The following SP140 variants were observed in gnomAD, a reference collection of about 807,000 sequenced individuals.
SP140 encodes the protein nuclear body protein SP140.
SP140 carries 81 observed loss-of-function variants against 125.0 expected under a neutral mutation model. That is an observed-to-expected ratio of 0.65 (90% CI 0.54 to 0.78). SP140 has a LOEUF of 0.78. Among genes scored for constraint, SP140 ranks in the 30% least tolerant of loss-of-function variants. The pLI, the probability that SP140 is intolerant of heterozygous loss-of-function variation, is 0.00. For synonymous variants in SP140, 312 were observed against 354.0 expected (o/e 0.88, Z 1.33); for missense variants, 858 against 1,037.0 (o/e 0.83, Z 2.37).
At chr2:230,254,174 T>A (rs1048624253) in intron 11 of SP140, among the ~76,000 whole-genome samples, 1 of 152,136 alleles carries the variant, frequency 6.6e-6, no homozygotes, top group African/African-American at 2.4e-5. Flanking sequence ...GATTAAACTA[T>A]GCAGAGAAAG....
chr2:230,277,355 A>G (rs1163904115), intron 15 of SP140, among the ~76,000 whole-genome samples: 2 of 152,188 alleles, frequency 1.3e-5, no homozygotes, highest in African/African-American at 2.4e-5. Flanking sequence ...TGAGCATTAC[A>G]TTTAGCAATA....
chr2:230,228,811 A>G (rs981881604), intron 1 of SP140, among the ~76,000 whole-genome samples: 1 of 152,124 alleles, frequency 6.6e-6, no homozygotes, highest in African/African-American at 2.4e-5. Flanking sequence ...TATAGACAAC[A>G]TATAGTCGGG....
intron 1 of SP140, among the ~76,000 whole-genome samples, chr2:230,228,598 G>T (rs1466310449): frequency 1.3e-5 from 2 of 152,176 alleles, no homozygotes; most frequent in Admixed American, 6.5e-5. Context: ...ATTAAGGATT[G>T]TGTACCTTCT....
chr2:230,249,185 GCATGGGGAAT>G (rs2049972480), intron 9 of SP140, among the ~76,000 whole-genome samples: 2 of 152,174 alleles, frequency 1.3e-5, no homozygotes, highest in African/African-American at 4.8e-5. Flanking sequence ...CCATATTTCT[GCATGGGGAAT>G]GTAGGGAGAA....
At chr2:230,264,105 G>A (rs960118433) in intron 12 of SP140, among the ~76,000 whole-genome samples, 3 of 151,972 alleles carry the variant, frequency 2.0e-5, no homozygotes, top group South Asian at 2.1e-4. Flanking sequence ...CAGGAACACC[G>A]ATTATTCTTA....
In SP140 at chr2:230,269,973, G is replaced by A. The variant is rs532399353; in HGVS notation, c.1444+20G>A. ...CAATGGGTAAGGCTGTCTGAGGGCC[G>A]TGGGATGGGGGTGGCTCAGTGGGCC... On this transcript the variant is annotated intron_variant, in intron 14 of 26. Transcript: ENST00000392045. 1.7e-5 allele frequency: 26 copies of A among 1,556,744 alleles called. No homozygotes were observed. The highest frequency in any genetic ancestry group is 5.0e-5 in the Admixed American group (3 of 59,892).
chr2:230,284,520 A>G (rs2056099705), intron 16 of SP140, 109 bp downstream of exon 16: 3 of 834,012 alleles, frequency 3.6e-6, no homozygotes, highest in South Asian at 2.1e-5. Flanking sequence ...TACCTCCTGT[A>G]TCCATTAGGA....
chr2:230,271,905 G>A (rs757541851), intron 15 of SP140, among the ~76,000 whole-genome samples: 17 of 152,114 alleles, frequency 1.1e-4, no homozygotes, highest in Admixed American at 2.6e-4. Flanking sequence ...TTGAAGAGAC[G>A]TAGCATGTGA....
chr2:230,245,081 G>C lies in SP140; in HGVS notation c.664+1G>C. 1 of 1,602,498 alleles carries C rather than the reference G, an allele frequency of 6.2e-7. No homozygotes were observed. Among genetic ancestry groups the C allele is most frequent in the Non-Finnish European group, 8.5e-7 (1 of 1,169,972 alleles). ...CCCAGCCTACTACCAGGTGGGGGAG[G>C]TAATTATGATTTAAATGACCAATTA... On this transcript the variant is annotated splice_donor_variant, in intron 6 of 26. Transcript: ENST00000392045. LOFTEE classifies it high-confidence loss of function.
intron 15 of SP140, among the ~76,000 whole-genome samples, chr2:230,272,062 G>C (rs2054004359): frequency 1.3e-5 from 2 of 152,168 alleles, no homozygotes; most frequent in African/African-American, 4.8e-5. Context: ...AGAAATGACA[G>C]ATGACACAAA....
At chr2:230,204,403 G>A (rs772226766) in intron 1 of SP140, among the ~76,000 whole-genome samples, 5 of 152,292 alleles carry the variant, frequency 3.3e-5, no homozygotes, top group South Asian at 2.1e-4. Context: ...TGCAGAGTAC[G>A]TATGTCTGCC....
intron 16 of SP140, 52 bp from the exon 17 acceptor site, chr2:230,285,700 A>G: frequency 1.4e-6 from 2 of 1,435,608 alleles, no homozygotes; most frequent in Admixed American, 1.7e-5. Context: ...CCTGCCTGAC[A>G]GCTGTTGTTC....
chr2:230,221,698 C>T (rs1247063810), upstream of SP140: 3 of 1,535,852 alleles, frequency 2.0e-6, no homozygotes, highest in Non-Finnish European at 2.6e-6. Flanking sequence ...TGTCACATGT[C>T]ACTTACCTGA....
upstream of SP140, among the ~76,000 whole-genome samples, chr2:230,222,101 A>G (rs1347022365): frequency 1.3e-5 from 2 of 152,066 alleles, no homozygotes; most frequent in Non-Finnish European, 2.9e-5. Flanking sequence ...GTGGTGGCAC[A>G]TGCCTGTAAT....
rs533635915 is a variant in SP140 at position 230,259,612 on chromosome 2, G to A, written c.1240+4080G>A. ...TGAGGCAGGAGAATTGCTTGAACCC[G>A]GGAGGTGGAGGTGGTAATGAGCTGA... is the stretch of plus-strand genomic sequence containing the variant. On this transcript the variant is annotated intron_variant, in intron 12 of 26. Coordinates refer to ENST00000392045, the MANE Select transcript of SP140 (RefSeq NM_007237.5). 1.7e-3 allele frequency among the ~76,000 whole-genome samples: 257 copies of A among 151,402 alleles called. 3 individuals carry two copies. The highest frequency in any genetic ancestry group is 5.8e-3 in the African/African-American group (239 of 41,244).
chr2:230,216,669 T>C (rs7580900), intron 3 of SP140: 611,177 of 1,296,760 alleles, frequency 0.47, 145,918 homozygotes, highest in African/African-American at 0.61. Flanking sequence ...TGAACATGCC[T>C]GGGCTGGGCC....
chr2:230,275,497 G>A (rs575417903), intron 15 of SP140, among the ~76,000 whole-genome samples: 1 of 152,234 alleles, frequency 6.6e-6, no homozygotes, highest in South Asian at 2.1e-4. Flanking sequence ...CACTGTGTTC[G>A]TATAAGATGG....
chr2:230,238,070 T>C (rs938447334), intron 2 of SP140, 143 bp from the exon 3 acceptor site: 1 of 576,060 alleles, frequency 1.7e-6, no homozygotes, highest in African/African-American at 1.9e-5. Flanking sequence ...TGTATTTTTA[T>C]GGTGGAGGAC....
At chr2:230,295,168 C>A (rs1294473114) in intron 21 of SP140, among the ~76,000 whole-genome samples, 1 of 152,144 alleles carries the variant, frequency 6.6e-6, no homozygotes, top group Non-Finnish European at 1.5e-5. Flanking sequence ...GAATGAGAAC[C>A]TGAGGAGGGG....
Sources: gnomAD v4.1 joint callset for allele counts (sites outside exome capture counted in the v4.1 genomes callset) on GRCh38, gnomAD v4.1.1 for gene constraint, MANE v1.5 for transcripts, NCBI Gene and HGNC (gene_info 2026-07-23, HGNC 2026-07-21) for gene names.